The following STAG1 variants were observed in gnomAD, a reference collection of about 807,000 sequenced individuals.
STAG1 encodes the protein STAG1 cohesin complex component.
Under a neutral mutation model 170.9 loss-of-function variants are expected in STAG1, and 26 were observed. That is an observed-to-expected ratio of 0.15 (90% confidence interval 0.11 to 0.21). The LOEUF (loss-of-function observed/expected upper bound fraction) is 0.21, where lower values mean the gene tolerates loss of function less well. Among genes scored for constraint, STAG1 ranks in the 10% least tolerant of loss-of-function variants. The pLI is 1.00. For missense variants in STAG1, 964 were observed against 1,509.5 expected (o/e 0.64, Z 5.99); for synonymous variants, 514 against 497.7 (o/e 1.03, Z -0.44).
chr3:136,673,822 G>A (rs1942046082), intron 1 of STAG1, among the ~76,000 whole-genome samples: 1 of 151,900 alleles, frequency 6.6e-6, no homozygotes, highest in African/African-American at 2.4e-5. Context: ...AAAAATACAG[G>A]CCAGGCGCAG....
In STAG1 at chr3:136,338,129, T is replaced by TAATC. The variant is rs1262214828; in HGVS notation, c.*121_*124dup. 1.5e-6 allele frequency: 1 copy of TAATC among 676,346 alleles called. No homozygotes were observed. The highest frequency in any genetic ancestry group is 2.7e-5 in the East Asian group (1 of 37,398). 41.9% of individuals were successfully genotyped at this position (676,346 alleles called of 1,614,324 possible). ...TGTCACTGCAAAAAGGGATTGACCT[T>TAATC]AATCATTTGATTAAAAAACAAATCA... On this transcript the variant is annotated 3_prime_UTR_variant, in exon 34 of 34. Coordinates refer to ENST00000383202, the MANE Select transcript of STAG1 (RefSeq NM_005862.3).
intron 1 of STAG1, among the ~76,000 whole-genome samples, chr3:136,678,037 T>C (rs1291395070): frequency 6.7e-6 from 1 of 149,600 alleles, no homozygotes; most frequent in Admixed American, 6.7e-5. Context: ...TTGGCACTAG[T>C]ATGAAGAAAA....
At position 136,541,538 on chromosome 3, in the gene STAG1, T is replaced by TCACACACACACA. The variant is rs59155124; in HGVS notation, c.471+569_471+580dup. On this transcript the variant is annotated intron_variant, in intron 6 of 33. Transcript: ENST00000383202. Reference sequence around the variant, plus strand: ...AGTATCCCAAATAGAAGCTTAACATTCACACACACACACACACACACACAC... The same window carrying TCACACACACACA: ...AGTATCCCAAATAGAAGCTTAACATTCACACACACACACACACACACACACACACACACACAC... Among the ~76,000 whole-genome samples, 273 of 123,206 alleles carry TCACACACACACA rather than the reference T, an allele frequency of 2.2e-3. 1 individual carries two copies. The highest frequency in any genetic ancestry group is 4.1e-3 in the Admixed American group (49 of 11,990). The allele number at this position is 123,206 out of a possible 152,430, so 80.8% of individuals were successfully genotyped here. A position where few individuals can be genotyped will look rare whatever the true frequency, so the allele number is the denominator to read the frequency against.
At chr3:136,728,927 T>G (rs1292237728) in intron 1 of STAG1, among the ~76,000 whole-genome samples, 1 of 152,202 alleles carries the variant, frequency 6.6e-6, no homozygotes, top group East Asian at 1.9e-4. Context: ...TTCATTTCTA[T>G]TTAACAAAAC....
At chr3:136,458,020 T>C (rs558437526) in intron 13 of STAG1, among the ~76,000 whole-genome samples, 78 of 152,248 alleles carry the variant, frequency 5.1e-4, no homozygotes, top group Non-Finnish European at 3.7e-4. Context: ...AAAATGTAAA[T>C]TGAAACACAG....
chr3:136,612,329 G>T (rs1156594451), intron 3 of STAG1, among the ~76,000 whole-genome samples: 1 of 152,122 alleles, frequency 6.6e-6, no homozygotes, highest in Admixed American at 6.6e-5. Context: ...ATGTCTGGCT[G>T]GGCACGGTGG....
chr3:136,551,132 T>C (rs1044271877), intron 5 of STAG1, among the ~76,000 whole-genome samples: 3 of 151,618 alleles, frequency 2.0e-5, no homozygotes, highest in Admixed American at 6.6e-5. Flanking sequence ...TCCTTTAAGA[T>C]GATTTAGGTA....
intron 21 of STAG1, among the ~76,000 whole-genome samples, chr3:136,415,726 G>A (rs929652148): frequency 6.6e-6 from 1 of 152,184 alleles, no homozygotes; most frequent in East Asian, 1.9e-4. Context: ...GGCGGCCGAG[G>A]CGGAAGAATC....
intron 1 of STAG1, among the ~76,000 whole-genome samples, chr3:136,676,783 T>G (rs1277090817): frequency 6.6e-6 from 1 of 152,134 alleles, no homozygotes; most frequent in Non-Finnish European, 1.5e-5. Context: ...TTTCTATTAC[T>G]AAGCTTTTTT....
chr3:136,545,951 C>T (rs567989006), intron 5 of STAG1, among the ~76,000 whole-genome samples: 3 of 152,024 alleles, frequency 2.0e-5, no homozygotes, highest in Non-Finnish European at 4.4e-5. Flanking sequence ...TTAAAAATCA[C>T]GTATTGGCAC....
intron 23 of STAG1, among the ~76,000 whole-genome samples, chr3:136,370,056 CTATACT>C (rs1560064389): frequency 0.021 from 49 of 2,296 alleles, no homozygotes; most frequent in Non-Finnish European, 0.054. Flanking sequence ...ATTTACTATA[CTATACT>C]ATACTATACT....
intron 6 of STAG1, among the ~76,000 whole-genome samples, chr3:136,528,002 G>C (rs901788112): frequency 6.6e-6 from 1 of 152,188 alleles, no homozygotes. Context: ...CCTATTTGGG[G>C]ATGCCTCCCA....
intron 9 of STAG1, among the ~76,000 whole-genome samples, chr3:136,487,639 G>A (rs1460972678): frequency 6.6e-6 from 1 of 152,198 alleles, no homozygotes; most frequent in Non-Finnish European, 1.5e-5. Context: ...ACATCACCCT[G>A]ATAGATCATA....
At chr3:136,634,419 T>C (rs1940468413) in intron 1 of STAG1, among the ~76,000 whole-genome samples, 1 of 151,616 alleles carries the variant, frequency 6.6e-6, no homozygotes, top group African/African-American at 2.4e-5. Flanking sequence ...CCCCAATTCA[T>C]TTCCTTACAA....
At chr3:136,520,676 C>A (rs919116829) in intron 7 of STAG1, among the ~76,000 whole-genome samples, 75 of 152,174 alleles carry the variant, frequency 4.9e-4, no homozygotes, top group Middle Eastern at 3.4e-3. Flanking sequence ...GTTAGTTCTT[C>A]AAATTATCTA....
chr3:136,451,130 A>G (rs962734818), intron 14 of STAG1, among the ~76,000 whole-genome samples: 2 of 151,966 alleles, frequency 1.3e-5, no homozygotes, highest in Admixed American at 6.6e-5. Flanking sequence ...TGTTTCTCCA[A>G]TGACACGGCA....
chr3:136,626,853 G>A (rs896390227), intron 2 of STAG1, among the ~76,000 whole-genome samples: 1 of 152,180 alleles, frequency 6.6e-6, no homozygotes, highest in African/African-American at 2.4e-5. Context: ...GTCCACAGTC[G>A]CACACTTAGT....
At chr3:136,433,416 T>C (rs1001314815) in intron 16 of STAG1, 140 bp downstream of exon 16, 6 of 666,302 alleles carry the variant, frequency 9.0e-6, no homozygotes, top group Non-Finnish European at 1.5e-5. Flanking sequence ...ATATAGGATA[T>C]AAAGATGAAG....
At chr3:136,725,444 C>T (rs1933605982) in intron 1 of STAG1, among the ~76,000 whole-genome samples, 1 of 152,142 alleles carries the variant, frequency 6.6e-6, no homozygotes, top group South Asian at 2.1e-4. Flanking sequence ...TACAATTTGG[C>T]ACTGAAAAGT....
Sources: gnomAD v4.1 joint callset for allele counts (sites outside exome capture counted in the v4.1 genomes callset) on GRCh38, gnomAD v4.1.1 for gene constraint, MANE v1.5 for transcripts, NCBI Gene and HGNC (gene_info 2026-07-23, HGNC 2026-07-21) for gene names.